Variants in MED12L observed in about 807,000 individuals in gnomAD.
MED12L encodes mediator of RNA polymerase II transcription subunit 12-like protein.
Under a neutral mutation model 281.3 loss-of-function variants are expected in MED12L, and 60 were observed. The observed-to-expected ratio is 0.21, with a 90% CI of 0.17 to 0.26. The LOEUF is 0.26. Among genes scored for constraint, MED12L ranks in the 10% least tolerant of loss-of-function variants. MED12L has a pLI of 1.00. For missense variants in MED12L, 2,146 were observed against 2,680.9 expected (o/e 0.80, Z 4.41); for synonymous variants, 974 against 987.2 (o/e 0.99, Z 0.25).
chr3:151,419,549 G>C (rs1448546008), intron 43 of MED12L, among the ~76,000 whole-genome samples: 1 of 151,788 alleles, frequency 6.6e-6, no homozygotes, highest in Non-Finnish European at 1.5e-5. Flanking sequence ...ATCTCCTTTG[G>C]CAACACCCTC....
intron 16 of MED12L, among the ~76,000 whole-genome samples, chr3:151,221,671 G>A (rs548375601): frequency 2.6e-5 from 4 of 152,320 alleles, no homozygotes; most frequent in African/African-American, 9.6e-5. Context: ...TCAAGAATTG[G>A]GGTTTGGGAA....
chr3:151,421,115 C>A (rs1000693491), intron 43 of MED12L, among the ~76,000 whole-genome samples: 1 of 152,112 alleles, frequency 6.6e-6, no homozygotes, highest in Non-Finnish European at 1.5e-5. Flanking sequence ...TGAGCCTGTG[C>A]GTAACCTCCA....
At chr3:151,385,244 A>T (rs990516162) in intron 36 of MED12L, 53 bp downstream of exon 36, 1 of 970,848 alleles carries the variant, frequency 1.0e-6, no homozygotes, top group Admixed American at 2.6e-5. Context: ...AAGATGAAAT[A>T]CTTTTTTTTG....
At chr3:151,105,047 T>C (rs879345745) in intron 2 of MED12L, among the ~76,000 whole-genome samples, 3 of 152,164 alleles carry the variant, frequency 2.0e-5, no homozygotes, top group Non-Finnish European at 4.4e-5. Context: ...TATATCTCTT[T>C]GAGGGACCGA....
intron 5 of MED12L, among the ~76,000 whole-genome samples, chr3:151,131,786 TG>T (rs1715435036): frequency 6.6e-6 from 1 of 152,208 alleles, no homozygotes; most frequent in Non-Finnish European, 1.5e-5. Context: ...AAGAACGTTA[TG>T]GACTTGTTGG....
At chr3:151,199,964 C>T (rs1361285429) in intron 16 of MED12L, among the ~76,000 whole-genome samples, 2 of 151,666 alleles carry the variant, frequency 1.3e-5, no homozygotes, top group African/African-American at 4.8e-5. Flanking sequence ...GTCTCAAAAA[C>T]AAACAGAAAA....
In MED12L at chr3:151,409,292, C is replaced by T. The variant is rs866945137; in HGVS notation, c.5870C>T (p.Ser1957Phe). ...AALFAAQARPSPQLPQYPGLQ... is the reference protein window; with the variant it reads ...AALFAAQARPFPQLPQYPGLQ... Reference sequence around the variant, plus strand: ...CTCTTTGCTGCGCAAGCACGGCCCTCCCCTCAGCTCCCTCAGTATCCAGGG... The same window carrying T: ...CTCTTTGCTGCGCAAGCACGGCCCTTCCCTCAGCTCCCTCAGTATCCAGGG... Residue 1957 changes from serine to phenylalanine, a missense_variant, in exon 40 of 45, where the codon TCC (serine) becomes TTC (phenylalanine). Physicochemically the swap from Ser to Phe is radical, Grantham distance 155 (BLOSUM62 -2). Around this residue, in one of 9 missense-constraint regions of MED12L, gnomAD observed 496 missense variants for 512.0 expected, o/e 0.97. Coordinates refer to ENST00000687756, the MANE Select transcript of MED12L (RefSeq NM_001393769.1). 1.2e-6 allele frequency: 2 copies of T among 1,613,696 alleles called. No individual in the cohort carries two copies. Among genetic ancestry groups the T allele is most frequent in the Non-Finnish European group, 1.7e-6 (2 of 1,179,914 alleles).
intron 2 of MED12L, among the ~76,000 whole-genome samples, chr3:151,102,093 C>T (rs535270112): frequency 6.6e-6 from 1 of 152,250 alleles, no homozygotes; most frequent in East Asian, 1.9e-4. Context: ...TACTCAGACT[C>T]CCACCCACCC....
At chr3:151,265,508 C>T (rs145529543) in intron 16 of MED12L, among the ~76,000 whole-genome samples, 130 of 152,224 alleles carry the variant, frequency 8.5e-4, no homozygotes, top group African/African-American at 2.7e-3. Context: ...GCCCACTTGC[C>T]GGTCACTGCC....
rs1389920736 is a variant in MED12L, at chr3:151,436,563, C to T, written c.*3759C>T. On this transcript the variant is annotated 3_prime_UTR_variant, in exon 45 of 45. Transcript: ENST00000687756. ...TTTATTTACAAGTCCTTTTATTTTGCATGTTCATTGTAAATTTAATACTGT... is the reference window on the plus strand; with the variant it reads ...TTTATTTACAAGTCCTTTTATTTTGTATGTTCATTGTAAATTTAATACTGT... 2 of 639,390 alleles carry T rather than the reference C, an allele frequency of 3.1e-6. No homozygotes were observed. Among genetic ancestry groups the T allele is most frequent in the Non-Finnish European group, 5.3e-6 (2 of 376,278 alleles). The allele number at this position is 639,390 out of a possible 1,614,324, so 39.6% of individuals were successfully genotyped here.
intron 16 of MED12L, among the ~76,000 whole-genome samples, chr3:151,279,177 G>A (rs1742405830): frequency 6.6e-6 from 1 of 152,174 alleles, no homozygotes; most frequent in Non-Finnish European, 1.5e-5. Context: ...AAGAAGACAA[G>A]GGGCTGAAAA....
chr3:151,339,798 T>C (rs201032209), intron 16 of MED12L, among the ~76,000 whole-genome samples: 1 of 3,698 alleles, frequency 2.7e-4, no homozygotes, highest in Non-Finnish European at 5.0e-4. Flanking sequence ...AATGAAAACT[T>C]AACAAGTGAC....
intron 2 of MED12L, among the ~76,000 whole-genome samples, chr3:151,094,115 G>T (rs192259592): frequency 8.9e-4 from 136 of 152,330 alleles, no homozygotes; most frequent in Non-Finnish European, 1.6e-3. Flanking sequence ...ATGCATATAT[G>T]CACCAGTGTG....
intron 16 of MED12L, among the ~76,000 whole-genome samples, chr3:151,256,857 T>A (rs951409378): frequency 6.6e-6 from 1 of 151,826 alleles, no homozygotes; most frequent in East Asian, 1.9e-4. Flanking sequence ...AGGTTTTTTT[T>A]TTGTTGTTTT....
At chr3:151,107,433 A>G (rs150576594) in intron 2 of MED12L, among the ~76,000 whole-genome samples, 629 of 152,288 alleles carry the variant, frequency 4.1e-3, no homozygotes, top group African/African-American at 9.5e-3. Flanking sequence ...GGGTATTTAT[A>G]ACACTTGGAA....
At chr3:151,391,301 G>T (rs1479203723) in intron 38 of MED12L, among the ~76,000 whole-genome samples, 1 of 152,116 alleles carries the variant, frequency 6.6e-6, no homozygotes, top group Admixed American at 6.5e-5. Flanking sequence ...CTAGCTCAGG[G>T]CATTTGTGCT....
chr3:151,375,517 T>A (rs1756724449), intron 27 of MED12L, among the ~76,000 whole-genome samples: 1 of 152,052 alleles, frequency 6.6e-6, no homozygotes, highest in Non-Finnish European at 1.5e-5. Context: ...CCTAAGAAAA[T>A]TATTGTATAA....
intron 16 of MED12L, chr3:151,278,286 C>A (rs1742234127): frequency 2.0e-5 from 3 of 152,140 alleles, no homozygotes; most frequent in Admixed American, 2.0e-4. Flanking sequence ...TGTTTTCTTA[C>A]CTGCGTCTAG....
chr3:151,347,689 G>C (rs1423008198), intron 16 of MED12L, among the ~76,000 whole-genome samples: 1 of 152,154 alleles, frequency 6.6e-6, no homozygotes, highest in Non-Finnish European at 1.5e-5. Flanking sequence ...GGGTGTGGGG[G>C]ATGTGCAGAG....
Sources: allele counts gnomAD v4.1 joint callset (sites outside exome capture counted in the v4.1 genomes callset), GRCh38; gene constraint gnomAD v4.1.1; regional missense constraint gnomAD v4.1.1; transcripts MANE v1.5; gene names NCBI Gene and HGNC (gene_info 2026-07-23, HGNC 2026-07-21).